Variants in CDCA2 observed in about 807,000 individuals in gnomAD.
The protein encoded by CDCA2 is cell division cycle-associated protein 2.
CDCA2 carries 44 observed loss-of-function variants against 67.0 expected under a neutral mutation model. The ratio of observed to expected loss-of-function variants is 0.66; its 90% CI spans 0.52 to 0.84. CDCA2 has a LOEUF of 0.84. Among genes scored for constraint, CDCA2 ranks in the 40% least tolerant of loss-of-function variants. CDCA2 has a pLI of 0.00. For missense variants in CDCA2, 1,253 were observed against 1,203.2 expected, an observed-to-expected ratio of 1.04 and a Z score of -0.61; for synonymous variants, 447 against 418.7, an observed-to-expected ratio of 1.07 and a Z score of -0.82.
rs1482434330 is a variant in CDCA2, at chr8:25,506,814, T to G, written c.2148T>G (p.Ser716=). 2 of 1,613,986 alleles carry G rather than the reference T, an allele frequency of 1.2e-6. No individual in the cohort carries two copies. Among genetic ancestry groups the G allele is most frequent in the Non-Finnish European group, 1.7e-6 (2 of 1,180,018 alleles). ...CTGACAGTCCTGTTTCTTGTGCTTC[T>G]GTAACTGAAGAACGTGTGGCATCAG... ...AGTDSPVSCA[S]VTEERVASDS... Residue 716 remains serine (S), a synonymous_variant, in exon 15 of 15, where the codon TCT becomes TCG. Coordinates refer to ENST00000330560, the MANE Select transcript of CDCA2 (RefSeq NM_152562.4).
chr8:25,475,876 C>T (rs148688808), intron 7 of CDCA2, among the ~76,000 whole-genome samples: 2 of 152,312 alleles, frequency 1.3e-5, no homozygotes, highest in African/African-American at 4.8e-5. Context: ...CCAGCCTTGC[C>T]AGTACTCCCA....
At chr8:25,484,975 G>T (rs12680801) in intron 10 of CDCA2, among the ~76,000 whole-genome samples, 1 of 152,032 alleles carries the variant, frequency 6.6e-6, no homozygotes, top group Non-Finnish European at 1.5e-5. Context: ...TATATAAAAA[G>T]ATAATACATC....
At chr8:25,493,459 G>A (rs1804090253) in intron 13 of CDCA2, among the ~76,000 whole-genome samples, 1 of 152,046 alleles carries the variant, frequency 6.6e-6, no homozygotes, top group African/African-American at 2.4e-5. Flanking sequence ...TGGAGCATGC[G>A]TAAGGAAAAA....
rs1802903811 is a variant in CDCA2, at chr8:25,466,366, A to T, written c.538+41A>T. On this transcript the variant is annotated intron_variant, in intron 5 of 14. Coordinates refer to ENST00000330560, the MANE Select transcript of CDCA2 (RefSeq NM_152562.4). ...TCGTTCAGTTTTGACTTCAATATTT[A>T]TAAAGACAAGCTTCTGAGTTATGAA... is the stretch of plus-strand genomic sequence containing the variant. 2.6e-6 allele frequency: 4 copies of T among 1,512,518 alleles called. No individual in the cohort carries two copies. The African/African-American group carries it at 4.2e-5, about 16-fold the overall frequency. 93.7% of individuals were successfully genotyped at this position (1,512,518 alleles called of 1,614,324 possible). A position where few individuals can be genotyped will look rare whatever the true frequency, so the allele number is the denominator to read the frequency against.
At chr8:25,484,907 T>G (rs1027339352) in intron 10 of CDCA2, among the ~76,000 whole-genome samples, 2 of 152,120 alleles carry the variant, frequency 1.3e-5, no homozygotes, top group East Asian at 3.8e-4. Context: ...TGGTGCAAAA[T>G]CAGACAGGCA....
chr8:25,505,191 A>G (rs1035020498), intron 14 of CDCA2, among the ~76,000 whole-genome samples: 3 of 151,208 alleles, frequency 2.0e-5, no homozygotes, highest in African/African-American at 7.3e-5. Flanking sequence ...TGCGAAATAC[A>G]TATCTTTTTG....
intron 8 of CDCA2, among the ~76,000 whole-genome samples, chr8:25,481,226 T>C: frequency 1.1e-5 from 1 of 87,536 alleles, no homozygotes; most frequent in Admixed American, 1.5e-4. Context: ...TTGAGACCAG[T>C]CTGGGACAAA....
At position 25,506,889 on chromosome 8, in the gene CDCA2, T is replaced by C; in HGVS notation, c.2223T>C (p.Ala741=). The C allele has an allele frequency of 6.2e-7, 1 of 1,611,886 alleles. No individual in the cohort carries two copies. The highest frequency in any genetic ancestry group is 8.5e-7 in the Non-Finnish European group (1 of 1,178,864). Residue 741 remains alanine, a synonymous_variant, in exon 15 of 15, where the codon GCT becomes GCC. Coordinates refer to ENST00000330560, the MANE Select transcript of CDCA2 (RefSeq NM_152562.4). ...TGCAGCAGGGTCAAGAATTTTCTGC[T>C]GGTGGTCAAAATGCAGAAAACCTTT... ...LTLQQGQEFS[A]GGQNAENLCQ...
chr8:25,461,911 A>G (rs113765763), intron 3 of CDCA2, 143 bp from the exon 4 acceptor site: 5 of 705,688 alleles, frequency 7.1e-6, no homozygotes, highest in Non-Finnish European at 1.2e-5. Flanking sequence ...TATATGAATG[A>G]CTGTGCCAGT....
rs766855333 is a variant in CDCA2 at position 25,489,457 on chromosome 8, C to T, written c.1671+768C>T. ...CAACTCTTGTCAGGAATCTCAATTCCGGATCCTTTTCCTTCCACCTCATCC... is the reference window on the plus strand; with the variant it reads ...CAACTCTTGTCAGGAATCTCAATTCTGGATCCTTTTCCTTCCACCTCATCC... On this transcript the variant is annotated intron_variant, in intron 13 of 14. Transcript: ENST00000330560. Among the ~76,000 whole-genome samples, 5 of 152,260 alleles carry T rather than the reference C, an allele frequency of 3.3e-5. No homozygotes were observed. The East Asian group carries it at 5.8e-4, about 18-fold the overall frequency.
At chr8:25,476,319 C>A (rs1471417301) in intron 7 of CDCA2, among the ~76,000 whole-genome samples, 1 of 152,152 alleles carries the variant, frequency 6.6e-6, no homozygotes, top group Non-Finnish European at 1.5e-5. Flanking sequence ...AACTGGGCCC[C>A]TGCATCTTTA....
Position 25,468,363 on chromosome 8 carries a change from A to G in CDCA2, c.685A>G (p.Ile229Val), listed in dbSNP as rs1318986492. The change falls in exon 6 of 15, where the codon ATT (isoleucine) becomes GTT (valine). Residue 229 changes from isoleucine (I) to valine (V), a missense_variant. Physicochemically the swap from Ile to Val is conservative, Grantham distance 29 (BLOSUM62 3). Coordinates refer to ENST00000330560, the MANE Select transcript of CDCA2 (RefSeq NM_152562.4). The stretch of plus-strand genomic sequence containing the variant: ...AGTAATTGGTCTCCAGATATTCAAT[A>G]TTGATACAGACAGAGCATGTGCAGT... Reference protein sequence around the residue: ...GKVIGLQIFNIDTDRACAVET... With the variant: ...GKVIGLQIFNVDTDRACAVET... 1 of 1,613,848 alleles carries G rather than the reference A, an allele frequency of 6.2e-7. No homozygotes were observed. Among genetic ancestry groups the G allele is most frequent in the South Asian group, 1.1e-5 (1 of 91,054 alleles).
In CDCA2 at chr8:25,485,791, C is replaced by T. The variant is rs138630584; in HGVS notation, c.1398C>T (p.Ala466=). ...ENIEPLQVSF[A]VLSSPNKSSI... ...TAGAACCACTTCAAGTATCATTTGCCGTTCTCAGTTCTCCTAATAAATCAT... is the reference window on the plus strand; with the variant it reads ...TAGAACCACTTCAAGTATCATTTGCTGTTCTCAGTTCTCCTAATAAATCAT... Residue 466 remains alanine, a synonymous_variant, in exon 11 of 15, where the codon GCC becomes GCT. Transcript: ENST00000330560. 4.0e-5 allele frequency: 64 copies of T among 1,607,416 alleles called. 1 individual carries two copies. The African/African-American group carries it at 6.0e-4, about 15-fold the overall frequency.
chr8:25,468,876 C>T (rs1291937710), intron 6 of CDCA2, among the ~76,000 whole-genome samples: 2 of 152,042 alleles, frequency 1.3e-5, no homozygotes, highest in African/African-American at 4.8e-5. Context: ...TATACCTGCC[C>T]CTGACTGCTT....
intron 7 of CDCA2, among the ~76,000 whole-genome samples, chr8:25,477,917 C>T (rs1370262292): frequency 6.6e-6 from 1 of 151,154 alleles, no homozygotes; most frequent in Non-Finnish European, 1.5e-5. Context: ...TGATACCTTT[C>T]TTTTTCTTTT....
chr8:25,479,906 CTT>C lies in CDCA2; in HGVS notation c.821-6_821-5del. On this transcript the variant is annotated splice_region_variant and splice_polypyrimidine_tract_variant and intron_variant, in intron 7 of 14. Transcript: ENST00000330560. Reference sequence around the variant, plus strand: ...CTGCCTCTCAAGTTTACATGTTTATCTTGAAGCACTAAAGGTTGCTGACTGTG... The same window carrying C: ...CTGCCTCTCAAGTTTACATGTTTATCGAAGCACTAAAGGTTGCTGACTGTG... The C allele has an allele frequency of 6.2e-7, 1 of 1,613,806 alleles. No homozygotes were observed. Among genetic ancestry groups the C allele is most frequent in the East Asian group, 2.2e-5 (1 of 44,884 alleles).
chr8:25,507,688 T>C lies in CDCA2; in HGVS notation c.3022T>C (p.Ser1008Pro). 1.2e-6 allele frequency: 2 copies of C among 1,613,668 alleles called. No individual in the cohort carries two copies. The highest frequency in any genetic ancestry group is 1.7e-6 in the Non-Finnish European group (2 of 1,179,906). The stretch of plus-strand genomic sequence containing the variant: ...CTCTCTTAATGGGAAGGGAGAGAGC[T>C]CTCTGACTGCCTTGGAAAGGATTGA... The part of the protein sequence containing the change: ...RSSLNGKGES[S>P]LTALERIEHN... Residue 1008 changes from serine (S) to proline (P), a missense_variant, in exon 15 of 15, where the codon TCT becomes CCT. Coordinates refer to ENST00000330560, the MANE Select transcript of CDCA2 (RefSeq NM_152562.4).
At chr8:25,467,206 A>C in intron 5 of CDCA2, among the ~76,000 whole-genome samples, 2 of 152,058 alleles carry the variant, frequency 1.3e-5, no homozygotes, top group Non-Finnish European at 2.9e-5. Flanking sequence ...AGAATGTGAC[A>C]AAATCTTGGT....
At chr8:25,491,863 T>G (rs1409601429) in intron 13 of CDCA2, among the ~76,000 whole-genome samples, 6 of 151,992 alleles carry the variant, frequency 3.9e-5, no homozygotes, top group Non-Finnish European at 5.9e-5. Flanking sequence ...TGATGCATGA[T>G]CTTGGCTCAC....
Sources: allele counts gnomAD v4.1 joint callset (sites outside exome capture counted in the v4.1 genomes callset), GRCh38; gene constraint gnomAD v4.1.1; transcripts MANE v1.5; gene names NCBI Gene and HGNC (gene_info 2026-07-23, HGNC 2026-07-21).